SCMH1: variants seen among roughly 807,000 people sequenced by gnomAD.
The protein encoded by SCMH1 is polycomb protein SCMH1.
A neutral mutation model predicts 70.8 loss-of-function variants in SCMH1; 37 were observed. The observed-to-expected ratio is 0.52, with a 90% CI of 0.40 to 0.69. SCMH1 has a LOEUF of 0.69. Among genes scored for constraint, SCMH1 ranks in the 30% least tolerant of loss-of-function variants. The pLI, the probability that SCMH1 is intolerant of heterozygous loss-of-function variation, is 0.00. For synonymous variants in SCMH1, 292 were observed against 307.4 expected, an observed-to-expected ratio of 0.95 and a Z score of 0.52; for missense variants, 607 against 827.3, an observed-to-expected ratio of 0.73 and a Z score of 3.27.
At chr1:41,046,085 C>A (rs566295184) in intron 12 of SCMH1, among the ~76,000 whole-genome samples, 1 of 152,138 alleles carries the variant, frequency 6.6e-6, no homozygotes, top group African/African-American at 2.4e-5. Flanking sequence ...CAGGTTCACA[C>A]TGGGAGACGT....
exon 9 of SCMH1, chr1:41,075,281 G>A: frequency 6.2e-7 from 1 of 1,614,100 alleles, no homozygotes; most frequent in African/African-American, 1.3e-5. Context: ...GTCTTGGATG[G>A]GGCAGAGATG....
intron 5 of SCMH1, among the ~76,000 whole-genome samples, chr1:41,146,995 T>C (rs996890590): frequency 3.9e-5 from 6 of 152,172 alleles, no homozygotes; most frequent in Admixed American, 3.3e-4. Context: ...CCAAAGTAGT[T>C]GAACCATTCT....
In SCMH1 at chr1:41,199,439, GT is replaced by G. The variant is rs1232113537; in HGVS notation, c.-117-13190del. On this transcript the variant is annotated intron_variant, in intron 1 of 14. Coordinates refer to ENST00000337495, the Ensembl canonical transcript of SCMH1. ...TCCACTTCCTTCCACTCAACATTTT[GT>G]TTTGTGAGAGTCATCCACTGTGCTC... Among the ~76,000 whole-genome samples the G allele has an allele frequency of 2.0e-5, 3 of 152,014 alleles. No homozygotes were observed. In the South Asian group the frequency reaches 6.2e-4, roughly 32 times the overall value.
exon 11 of SCMH1, chr1:41,048,703 A>G: frequency 1.2e-6 from 2 of 1,614,100 alleles, no homozygotes; most frequent in Non-Finnish European, 1.7e-6. Context: ...AGATAACCTC[A>G]CCACCATGGC....
At chr1:41,238,052 G>T (rs935351634) in intron 1 of SCMH1, among the ~76,000 whole-genome samples, 24 of 152,256 alleles carry the variant, frequency 1.6e-4, no homozygotes, top group African/African-American at 5.3e-4. Context: ...ATTTTTTACA[G>T]ATAAGGACAC....
intron 5 of SCMH1, among the ~76,000 whole-genome samples, chr1:41,149,490 T>C (rs1644874415): frequency 6.6e-6 from 1 of 152,210 alleles, no homozygotes; most frequent in Non-Finnish European, 1.5e-5. Context: ...ATTCTCTAGA[T>C]TATTGGTTGC....
chr1:41,062,787 C>T (rs6600364), intron 10 of SCMH1, among the ~76,000 whole-genome samples: 96,195 of 147,904 alleles, frequency 0.65, 32,667 homozygotes, highest in African/African-American at 0.86. Flanking sequence ...GGTGTGGTGG[C>T]GTGTGCCTGT....
chr1:41,037,417 T>C, exon 13 of SCMH1: 2 of 1,614,158 alleles, frequency 1.2e-6, no homozygotes, highest in Non-Finnish European at 1.7e-6. Flanking sequence ...GGCCACAGGA[T>C]GAAAGCAAGG....
At chr1:41,077,701 A>G (rs1658757434) in intron 8 of SCMH1, among the ~76,000 whole-genome samples, 1 of 152,190 alleles carries the variant, frequency 6.6e-6, no homozygotes, top group Non-Finnish European at 1.5e-5. Context: ...AGCATAAACC[A>G]TAGGCACAAT....
chr1:41,052,555 T>C (rs1238583446), intron 10 of SCMH1, among the ~76,000 whole-genome samples: 1 of 152,220 alleles, frequency 6.6e-6, no homozygotes, highest in Non-Finnish European at 1.5e-5. Flanking sequence ...ATGAGGATAC[T>C]GGCTAATGAT....
intron 10 of SCMH1, among the ~76,000 whole-genome samples, chr1:41,063,848 A>C (rs1653668149): frequency 6.6e-6 from 1 of 152,264 alleles, no homozygotes; most frequent in South Asian, 2.1e-4. Flanking sequence ...AAAAAAGGAA[A>C]GTACCAGGCT....
chr1:41,032,910 C>T (rs910943601), intron 13 of SCMH1, among the ~76,000 whole-genome samples: 4 of 148,568 alleles, frequency 2.7e-5, no homozygotes, highest in African/African-American at 5.0e-5. Flanking sequence ...ACCCAAGAGG[C>T]GGAGGTTGCA....
At chr1:41,241,687 G>A (rs1258041819) in intron 1 of SCMH1, among the ~76,000 whole-genome samples, 1 of 151,972 alleles carries the variant, frequency 6.6e-6, no homozygotes, top group Non-Finnish European at 1.5e-5. Context: ...GGCCCCGCCG[G>A]CCAGACACGG....
At chr1:41,088,912 G>A (rs1017624778) in intron 8 of SCMH1, among the ~76,000 whole-genome samples, 5 of 152,188 alleles carry the variant, frequency 3.3e-5, no homozygotes, top group African/African-American at 9.7e-5. Context: ...TAAATGATGG[G>A]CATGTCCCAG....
chr1:41,111,684 C>A (rs1304457476), intron 8 of SCMH1, among the ~76,000 whole-genome samples: 2 of 152,170 alleles, frequency 1.3e-5, no homozygotes, highest in Non-Finnish European at 2.9e-5. Flanking sequence ...CTAGTCACAG[C>A]AGTCTGCTTT....
At chr1:41,070,079 T>C in intron 10 of SCMH1, among the ~76,000 whole-genome samples, 1 of 152,200 alleles carries the variant, frequency 6.6e-6, no homozygotes, top group East Asian at 1.9e-4. Flanking sequence ...CACAGTTCTT[T>C]TAGTTACTGT....
At chr1:41,092,142 C>T (rs941528375) in intron 8 of SCMH1, among the ~76,000 whole-genome samples, 1 of 152,122 alleles carries the variant, frequency 6.6e-6, no homozygotes, top group Non-Finnish European at 1.5e-5. Flanking sequence ...GTTACAGTAA[C>T]CAAAACAGCA....
chr1:41,114,560 C>G (rs192607336), intron 7 of SCMH1, among the ~76,000 whole-genome samples: 2 of 151,592 alleles, frequency 1.3e-5, no homozygotes, highest in Admixed American at 1.3e-4. Context: ...GGAATTACAA[C>G]GAATTTATAG....
chr1:41,180,793 A>G (rs1648510791), intron 2 of SCMH1, among the ~76,000 whole-genome samples: 1 of 152,206 alleles, frequency 6.6e-6, no homozygotes, highest in Non-Finnish European at 1.5e-5. Context: ...TATAGATTCA[A>G]TGCCATCCCC....
Sources: allele counts gnomAD v4.1 joint callset (sites outside exome capture counted in the v4.1 genomes callset), GRCh38; gene constraint gnomAD v4.1.1; transcripts MANE v1.5; gene names NCBI Gene and HGNC (gene_info 2026-07-23, HGNC 2026-07-21).